Variants in CIMIP5 observed in about 807,000 individuals in gnomAD.
CIMIP5 encodes the protein ciliary microtubule inner protein 5.
chr2:11,151,263 C>T, the CIMIP5 span, among the ~76,000 whole-genome samples: 1 of 152,230 alleles, frequency 6.6e-6, no homozygotes, highest in South Asian at 2.1e-4. Context: ...ACCCCAGCCA[C>T]CTTGGGGACG....
the CIMIP5 span, chr2:11,133,539 G>A: frequency 6.2e-7 from 1 of 1,607,640 alleles, no homozygotes; most frequent in East Asian, 2.2e-5. Context: ...CGTGCAGCAG[G>A]ACCAGCTGTG....
chr2:11,153,359 C>T, the CIMIP5 span, among the ~76,000 whole-genome samples: 35 of 152,292 alleles, frequency 2.3e-4, no homozygotes, highest in African/African-American at 8.2e-4. Context: ...CTCATGCTGC[C>T]TGCATCCCCA....
At chr2:11,140,117 G>A in the CIMIP5 span, among the ~76,000 whole-genome samples, 3 of 147,376 alleles carry the variant, frequency 2.0e-5, no homozygotes, top group Non-Finnish European at 4.5e-5. Flanking sequence ...GCTGGGCGTG[G>A]TGGCTCACGC....
At chr2:11,133,956 A>G in the CIMIP5 span, among the ~76,000 whole-genome samples, 2 of 152,168 alleles carry the variant, frequency 1.3e-5, no homozygotes, top group African/African-American at 2.4e-5. Context: ...TCATTCAACC[A>G]AAAATACCCA....
chr2:11,133,153 C>A, the CIMIP5 span: 1 of 645,528 alleles, frequency 1.5e-6, no homozygotes, highest in South Asian at 2.6e-5. Flanking sequence ...GCCCGGAGAG[C>A]CCTGTCCCCA....
At chr2:11,133,350 A>AC in the CIMIP5 span, 1 of 1,598,328 alleles carries the variant, frequency 6.3e-7, no homozygotes, top group South Asian at 1.1e-5. Flanking sequence ...GAGCCACCCC[A>AC]CCCCTGGGCT....
chr2:11,154,225 G>A, the CIMIP5 span, among the ~76,000 whole-genome samples: 5 of 152,188 alleles, frequency 3.3e-5, no homozygotes, highest in African/African-American at 9.6e-5. Context: ...CAATCTTCCC[G>A]CTTCGCGGGG....
the CIMIP5 span, among the ~76,000 whole-genome samples, chr2:11,149,543 T>TA: frequency 2.0e-5 from 3 of 151,940 alleles, no homozygotes; most frequent in Non-Finnish European, 4.4e-5. Flanking sequence ...GCATCTCTGC[T>TA]AAAAATACAA....
the CIMIP5 span, among the ~76,000 whole-genome samples, chr2:11,136,453 A>T: frequency 6.6e-6 from 1 of 152,184 alleles, no homozygotes; most frequent in Non-Finnish European, 1.5e-5. Flanking sequence ...GGAGAAGAAA[A>T]TGATGAAGAT....
At chr2:11,143,840 G>A in the CIMIP5 span, 3 of 1,217,530 alleles carry the variant, frequency 2.5e-6, no homozygotes, top group African/African-American at 4.6e-5. Flanking sequence ...AGAGGCAGCT[G>A]CTCTCTGCTC....
the CIMIP5 span, among the ~76,000 whole-genome samples, chr2:11,140,989 T>C: frequency 1.3e-5 from 2 of 152,186 alleles, no homozygotes; most frequent in East Asian, 1.9e-4. Flanking sequence ...ACGGCAGAAC[T>C]GGCCATGTAG....
chr2:11,148,042 G>A, the CIMIP5 span, among the ~76,000 whole-genome samples: 77 of 152,246 alleles, frequency 5.1e-4, 1 homozygote, highest in East Asian at 0.013. Flanking sequence ...CCAAGGGCCA[G>A]GAGACAGCAG....
At chr2:11,151,001 A>C in the CIMIP5 span, among the ~76,000 whole-genome samples, 2 of 152,330 alleles carry the variant, frequency 1.3e-5, no homozygotes, top group African/African-American at 4.8e-5. Flanking sequence ...ACCTGAGAGA[A>C]ATGCTTATCT....
chr2:11,141,966 A>G, the CIMIP5 span, among the ~76,000 whole-genome samples: 1 of 152,160 alleles, frequency 6.6e-6, no homozygotes, highest in East Asian at 1.9e-4. Flanking sequence ...GATGGATCTC[A>G]CTACAAAAAG....
At chr2:11,149,533 G>A in the CIMIP5 span, among the ~76,000 whole-genome samples, 2 of 151,876 alleles carry the variant, frequency 1.3e-5, no homozygotes, top group African/African-American at 2.4e-5. Flanking sequence ...TGCTGAAACC[G>A]CATCTCTGCT....
chr2:11,148,118 ATT>A, the CIMIP5 span, among the ~76,000 whole-genome samples: 5 of 143,054 alleles, frequency 3.5e-5, no homozygotes, highest in Admixed American at 7.0e-5. Context: ...CTTGCTTCAC[ATT>A]TTTTTTTTTT....
the CIMIP5 span, among the ~76,000 whole-genome samples, chr2:11,153,307 T>G: frequency 6.6e-6 from 1 of 152,172 alleles, no homozygotes; most frequent in Non-Finnish European, 1.5e-5. Context: ...AGGAGGCCAC[T>G]CCCTGCGTGG....
chr2:11,140,414 A>T, the CIMIP5 span: 2 of 720,808 alleles, frequency 2.8e-6, no homozygotes, highest in Non-Finnish European at 4.4e-6. Context: ...TAGTTCTTCC[A>T]CGTGATACAT....
chr2:11,149,699 C>G, the CIMIP5 span, among the ~76,000 whole-genome samples: 14 of 147,694 alleles, frequency 9.5e-5, no homozygotes, highest in African/African-American at 3.3e-4. Context: ...AGAATGAGAC[C>G]CTATCTCAAA....
Sources: allele counts gnomAD v4.1 joint callset (sites outside exome capture counted in the v4.1 genomes callset), GRCh38; gene constraint gnomAD v4.1.1; transcripts MANE v1.5; gene names NCBI Gene and HGNC (gene_info 2026-07-23, HGNC 2026-07-21).